WASHC2C: variants seen among roughly 807,000 people sequenced by gnomAD.
The protein encoded by WASHC2C is WASH complex subunit 2C, also known as Vaccinia Penetration Factor.
Under a neutral mutation model 142.2 loss-of-function variants are expected in WASHC2C, and 73 were observed. The observed-to-expected ratio is 0.51, with a 90% CI of 0.43 to 0.62. The LOEUF (loss-of-function observed/expected upper bound fraction) is 0.62, where lower values mean the gene tolerates loss of function less well. Among genes scored for constraint, WASHC2C ranks in the 20% least tolerant of loss-of-function variants. The pLI is 0.00. For synonymous variants in WASHC2C, 337 were observed against 565.5 expected (o/e 0.60, Z 5.73); for missense variants, 969 against 1,531.7 (o/e 0.63, Z 6.13).
chr10:45,768,559 C>T (rs2056215577), intron 19 of WASHC2C, among the ~76,000 whole-genome samples: 1 of 152,156 alleles, frequency 6.6e-6, no homozygotes, highest in Non-Finnish European at 1.5e-5. Context: ...AGAGATAGAG[C>T]ACTTATGCAA....
At chr10:45,756,508 G>A (rs1251173592) in intron 15 of WASHC2C, among the ~76,000 whole-genome samples, 1 of 151,720 alleles carries the variant, frequency 6.6e-6, no homozygotes, top group Non-Finnish European at 1.5e-5. Flanking sequence ...ACATCCTTTG[G>A]GGGAATTAGA....
intron 29 of WASHC2C, 76 bp from the exon 30 acceptor site, chr10:45,790,280 T>C: frequency 1.9e-6 from 3 of 1,605,672 alleles, no homozygotes. Flanking sequence ...TGCATTTCCA[T>C]AGCTTGTTGA....
At chr10:45,736,872 T>C (rs2051340813) in intron 3 of WASHC2C, among the ~76,000 whole-genome samples, 1 of 152,102 alleles carries the variant, frequency 6.6e-6, no homozygotes, top group African/African-American at 2.4e-5. Context: ...TGGTGGTTTT[T>C]ACTGTACTCA....
intron 29 of WASHC2C, among the ~76,000 whole-genome samples, chr10:45,789,822 C>T (rs1198207855): frequency 6.8e-6 from 1 of 147,208 alleles, no homozygotes; most frequent in Middle Eastern, 3.5e-3. Flanking sequence ...TACAGCTCCA[C>T]TGGTCCAGCT....
chr10:45,784,289 T>C (rs554383806), intron 23 of WASHC2C, among the ~76,000 whole-genome samples: 3,793 of 16,854 alleles, frequency 0.23, 233 homozygotes, highest in African/African-American at 0.32. Context: ...TATATATATA[T>C]ACACATATAT....
At chr10:45,740,983 C>T (rs2051961609) in intron 5 of WASHC2C, among the ~76,000 whole-genome samples, 1 of 151,670 alleles carries the variant, frequency 6.6e-6, no homozygotes, top group Non-Finnish European at 1.5e-5. Flanking sequence ...GAGTTTCACT[C>T]TGTCCTCCAG....
intron 21 of WASHC2C, 81 bp downstream of exon 21, chr10:45,773,439 C>T (rs1554885405): frequency 4.6e-5 from 28 of 611,852 alleles, no homozygotes; most frequent in Non-Finnish European, 6.0e-6. Context: ...ATCAGCTCTT[C>T]ATACCTAACC....
At chr10:45,772,295 A>T (rs1279682139) in intron 20 of WASHC2C, among the ~76,000 whole-genome samples, 16 of 151,856 alleles carry the variant, frequency 1.1e-4, no homozygotes, top group Admixed American at 2.6e-4. Context: ...TGGGGTCATG[A>T]TAATGTTGTG....
chr10:45,763,199 A>ACTGCACACACC (rs1478257964), intron 17 of WASHC2C, among the ~76,000 whole-genome samples, 189 bp from the exon 18 acceptor site: 1 of 152,102 alleles, frequency 6.6e-6, no homozygotes, highest in Non-Finnish European at 1.5e-5. Flanking sequence ...CCTTAGCGCC[A>ACTGCACACACC]CTGCACACAC....
intron 10 of WASHC2C, among the ~76,000 whole-genome samples, chr10:45,751,156 CTA>C (rs782811414): frequency 2.9e-4 from 44 of 151,868 alleles, no homozygotes; most frequent in Middle Eastern, 3.4e-3. Flanking sequence ...ATATTTACTC[CTA>C]TATTTTGAAC....
intron 17 of WASHC2C, among the ~76,000 whole-genome samples, chr10:45,763,119 C>G (rs2055343518): frequency 6.6e-6 from 1 of 152,074 alleles, no homozygotes; most frequent in African/African-American, 2.4e-5. Flanking sequence ...TTCCTGCCTT[C>G]TGTCATTCAG....
chr10:45,792,781 G>C lies in WASHC2C; in HGVS notation c.*381G>C, dbSNP rs1353237561. ...TTATATGGATGGGAACCCTAACTTA[G>C]GGCTTGGGCAGGGGAAAGAGAAAGA... On this transcript the variant is annotated 3_prime_UTR_variant, in exon 31 of 31. Transcript: ENST00000623400. 4.0e-6 allele frequency: 2 copies of C among 496,458 alleles called. No homozygotes were observed. Among genetic ancestry groups the C allele is most frequent in the East Asian group, 1.2e-4 (2 of 16,268 alleles). 30.8% of individuals were successfully genotyped at this position (496,458 alleles called of 1,614,324 possible).
At chr10:45,741,896 CGATTCTCCTGCCTCAGCCTT>C (rs2052110374) in intron 5 of WASHC2C, among the ~76,000 whole-genome samples, 1 of 139,898 alleles carries the variant, frequency 7.1e-6, no homozygotes, top group South Asian at 2.4e-4. Context: ...TGGGTTCAAG[CGATTCTCCTGCCTCAGCCTT>C]CCAAGTAGCT....
chr10:45,744,163 A>G (rs1404516969), intron 6 of WASHC2C, among the ~76,000 whole-genome samples: 2 of 148,412 alleles, frequency 1.3e-5, no homozygotes, highest in African/African-American at 5.0e-5. Context: ...GGTTCAAGCA[A>G]TTCTCCTACC....
chr10:45,790,161 G>A (rs1426606158), intron 29 of WASHC2C, among the ~76,000 whole-genome samples, 195 bp from the exon 30 acceptor site: 3 of 152,208 alleles, frequency 2.0e-5, no homozygotes, highest in African/African-American at 7.2e-5. Flanking sequence ...CTGCAGTGGC[G>A]GCATTTGAGC....
intron 20 of WASHC2C, among the ~76,000 whole-genome samples, chr10:45,771,130 G>T (rs1221017932): frequency 1.1e-4 from 17 of 152,076 alleles, no homozygotes; most frequent in African/African-American, 4.1e-4. Flanking sequence ...ACTTGGGGAG[G>T]CCGAGGCAGG....
intron 20 of WASHC2C, among the ~76,000 whole-genome samples, chr10:45,771,336 G>T (rs2056560938): frequency 7.3e-6 from 1 of 137,862 alleles, no homozygotes; most frequent in Admixed American, 7.9e-5. Flanking sequence ...CTGCACTCCA[G>T]CCTGGGCAAC....
intron 28 of WASHC2C, among the ~76,000 whole-genome samples, chr10:45,787,714 G>A (rs2058146876): frequency 6.6e-6 from 1 of 151,916 alleles, no homozygotes; most frequent in South Asian, 2.1e-4. Context: ...AGGCACACCA[G>A]GTGCCACTCC....
At chr10:45,765,515 A>G (rs1459273410) in intron 18 of WASHC2C, among the ~76,000 whole-genome samples, 164 bp from the exon 19 acceptor site, 1 of 149,302 alleles carries the variant, frequency 6.7e-6, no homozygotes, top group African/African-American at 2.5e-5. Context: ...GCAGTGAGAA[A>G]AGGCTGTAGT....
Sources: gnomAD v4.1 joint callset for allele counts (sites outside exome capture counted in the v4.1 genomes callset) on GRCh38, gnomAD v4.1.1 for gene constraint, MANE v1.5 for transcripts, NCBI Gene and HGNC (gene_info 2026-07-23, HGNC 2026-07-21) for gene names.